The following CEP76 variants were observed in gnomAD, a reference collection of about 807,000 sequenced individuals.
CEP76 encodes centrosomal protein of 76 kDa.
Under a neutral mutation model 83.3 loss-of-function variants are expected in CEP76, and 55 were observed. The observed-to-expected ratio is 0.66, with a 90% CI of 0.53 to 0.83. The LOEUF is 0.83. Among genes scored for constraint, CEP76 ranks in the 40% least tolerant of loss-of-function variants. The probability of loss-of-function intolerance (pLI) is 0.00; values close to 1 mark genes in which losing one functional copy is unlikely to be tolerated. For missense variants in CEP76, 694 were observed against 799.5 expected (o/e 0.87, Z 1.59); for synonymous variants, 270 against 274.5 (o/e 0.98, Z 0.16).
At position 12,695,246 on chromosome 18, in the gene CEP76, G is replaced by GTATT. The variant is rs1156316758; in HGVS notation, c.804+4_804+7dup. On this transcript the variant is annotated splice_region_variant and intron_variant, in intron 6 of 11. Coordinates refer to ENST00000262127, the MANE Select transcript of CEP76 (RefSeq NM_024899.4). ...CACACAAAAAAAGAGAAACTCATAA[G>GTATT]TATTTACCTGTGTGTTCACTACTTC... 7.7e-7 allele frequency: 1 copy of GTATT among 1,298,392 alleles called. No individual in the cohort carries two copies. Among genetic ancestry groups the GTATT allele is most frequent in the South Asian group, 1.3e-5 (1 of 76,986 alleles). 80.4% of individuals were successfully genotyped at this position (1,298,392 alleles called of 1,614,324 possible). A position where few individuals can be genotyped will look rare whatever the true frequency, so the allele number is the denominator to read the frequency against.
intron 6 of CEP76, among the ~76,000 whole-genome samples, chr18:12,694,517 G>A (rs1262912934): frequency 6.6e-6 from 1 of 152,140 alleles, no homozygotes; most frequent in Non-Finnish European, 1.5e-5. Context: ...TCAGAGACCT[G>A]ACAGTGGAAT....
chr18:12,698,809 A>G (rs1406612136), intron 4 of CEP76, 170 bp downstream of exon 4: 1 of 596,212 alleles, frequency 1.7e-6, no homozygotes, highest in Non-Finnish European at 3.0e-6. Flanking sequence ...TAGCAAACAG[A>G]ATATTGCAAG....
At chr18:12,669,259 T>C (rs1283722664), downstream of CEP76, among the ~76,000 whole-genome samples, 8 of 151,990 alleles carry the variant, frequency 5.3e-5, no homozygotes, top group East Asian at 1.2e-3. Flanking sequence ...AATACAGGCA[T>C]GCGCCACCAT....
chr18:12,697,120 A>T, intron 5 of CEP76, 103 bp downstream of exon 5: 1 of 808,054 alleles, frequency 1.2e-6, no homozygotes, highest in Non-Finnish European at 1.9e-6. Flanking sequence ...TCTATTTTAC[A>T]GGTTTCCCTC....
chr18:12,682,730 A>G (rs139435853), intron 8 of CEP76, among the ~76,000 whole-genome samples: 423 of 151,848 alleles, frequency 2.8e-3, no homozygotes, highest in African/African-American at 9.7e-3. Context: ...CCGGGTTCCA[A>G]TGATTCTCAG....
downstream of CEP76, among the ~76,000 whole-genome samples, chr18:12,669,823 A>G (rs2038895036): frequency 6.6e-6 from 1 of 151,938 alleles, no homozygotes; most frequent in African/African-American, 2.4e-5. Flanking sequence ...CAACATGCAG[A>G]AACCCTGTCT....
At chr18:12,700,906 G>C in intron 2 of CEP76, 52 bp downstream of exon 2, 1 of 1,415,384 alleles carries the variant, frequency 7.1e-7, no homozygotes, top group South Asian at 1.3e-5. Context: ...GTAGTGTTAC[G>C]CATTAGTATA....
rs1336225872 is a variant in CEP76, at chr18:12,695,359, CAT to C, written c.707-10_707-9del. The C allele has an allele frequency of 1.0e-5, 14 of 1,369,166 alleles. No homozygotes were observed. Among genetic ancestry groups the C allele is most frequent in the Non-Finnish European group, 1.3e-5 (13 of 982,040 alleles). 84.8% of individuals were successfully genotyped at this position (1,369,166 alleles called of 1,614,324 possible). ...AAACTTTTGATTCTGTGCCTATAAA[CAT>C]AAATATTTTGAACTTCAGAGATTTC... On this transcript the variant is annotated splice_polypyrimidine_tract_variant and intron_variant, in intron 5 of 11. Transcript: ENST00000262127.
At chr18:12,687,324 T>A (rs1172915060) in intron 7 of CEP76, among the ~76,000 whole-genome samples, 5 of 152,172 alleles carry the variant, frequency 3.3e-5, no homozygotes, top group Admixed American at 6.6e-5. Context: ...GTCCCATACT[T>A]TAGCAAGGAA....
At chr18:12,675,594 CATTTT>C (rs1227234124) in intron 10 of CEP76, among the ~76,000 whole-genome samples, 3 of 152,080 alleles carry the variant, frequency 2.0e-5, no homozygotes, top group South Asian at 2.1e-4. Context: ...AAGATGAAGA[CATTTT>C]ATAGGCCCTT....
At chr18:12,662,575 A>C (rs2038715386) in intron 12 of CEP76, among the ~76,000 whole-genome samples, 1 of 152,210 alleles carries the variant, frequency 6.6e-6, no homozygotes, top group African/African-American at 2.4e-5. Flanking sequence ...CACAAGTTTG[A>C]GACCAGCCTG....
chr18:12,699,021 A>C lies in CEP76; in HGVS notation c.478T>G (p.Phe160Val). Reference sequence around the variant, plus strand: ...ACTTCAAGTAAAAAGCCATCATGAAAATCTGGTTCACAGGCACATGGAACA... The same window carrying C: ...ACTTCAAGTAAAAAGCCATCATGAACATCTGGTTCACAGGCACATGGAACA... ...KPVPCACEPD[F>V]HDGFLLEVHR... The change falls in exon 4 of 12, where the codon TTT becomes GTT. Residue 160 changes from phenylalanine (F) to valine (V), a missense_variant. Phe to Val is a conservative substitution (Grantham distance 50). Coordinates refer to ENST00000262127, the MANE Select transcript of CEP76 (RefSeq NM_024899.4). The C allele has an allele frequency of 6.2e-7, 1 of 1,613,812 alleles. No homozygotes were observed. The highest frequency in any genetic ancestry group is 8.5e-7 in the Non-Finnish European group (1 of 1,179,806).
intron 12 of CEP76, among the ~76,000 whole-genome samples, chr18:12,664,089 G>T (rs1001987263): frequency 2.6e-5 from 4 of 152,144 alleles, no homozygotes; most frequent in African/African-American, 9.7e-5. Context: ...GCTTGAACCC[G>T]GAGGGGCGGT....
rs367819889 is a variant in CEP76 at position 12,674,425 on chromosome 18, G to C, written c.1841+111C>G. 326 of 749,742 alleles carry C rather than the reference G, an allele frequency of 4.3e-4. 1 individual carries two copies. In the African/African-American group the frequency reaches 5.1e-3, roughly 12 times the overall value. 46.4% of individuals were successfully genotyped at this position (749,742 alleles called of 1,614,324 possible). A position where few individuals can be genotyped will look rare whatever the true frequency, so the allele number is the denominator to read the frequency against. On this transcript the variant is annotated intron_variant, in intron 11 of 11. Transcript: ENST00000262127. ...CCACTGTACTCCAGCATGGGCAGCAGAGCAAGACCTTGAGTTAAAAAAAAA... is the reference window on the plus strand; with the variant it reads ...CCACTGTACTCCAGCATGGGCAGCACAGCAAGACCTTGAGTTAAAAAAAAA...
chr18:12,696,119 G>GT (rs2039947770), intron 5 of CEP76, among the ~76,000 whole-genome samples: 1 of 152,202 alleles, frequency 6.6e-6, no homozygotes, highest in Non-Finnish European at 1.5e-5. Flanking sequence ...GACAAATTGG[G>GT]TATTGTTTTT....
chr18:12,697,554 A>C, intron 4 of CEP76, 146 bp from the exon 5 acceptor site: 1 of 598,816 alleles, frequency 1.7e-6, no homozygotes, highest in Non-Finnish European at 2.8e-6. Context: ...CATGCAAAAA[A>C]CTGGAAATAC....
At position 12,686,463 on chromosome 18, in the gene CEP76, G is replaced by A; in HGVS notation, c.934-13C>T. On this transcript the variant is annotated splice_polypyrimidine_tract_variant and intron_variant, in intron 7 of 11. Coordinates refer to ENST00000262127, the MANE Select transcript of CEP76 (RefSeq NM_024899.4). ...TCCCATTTTCATCCTAGGGAAAAGG[G>A]GAAAAACATCTGTAATGACATATTA... The A allele has an allele frequency of 1.3e-6, 2 of 1,577,390 alleles. No individual in the cohort carries two copies. The highest frequency in any genetic ancestry group is 2.3e-5 in the South Asian group (2 of 87,516).
downstream of CEP76, among the ~76,000 whole-genome samples, chr18:12,669,186 C>G (rs993992815): frequency 2.6e-5 from 4 of 151,072 alleles, no homozygotes; most frequent in Admixed American, 2.6e-4. Flanking sequence ...GATCTCAGCT[C>G]ACGGCAACCT....
In CEP76 at chr18:12,702,661, G is replaced by C. The variant is rs888009342; in HGVS notation, c.-113C>G. ...GACTGGAGCACAAAGCGCCGCAGCC[G>C]TTCGCCTAGCGCAGCTCCCGGGGGA... On this transcript the variant is annotated 5_prime_UTR_variant, in exon 1 of 12. Coordinates refer to ENST00000262127, the MANE Select transcript of CEP76 (RefSeq NM_024899.4). 5 of 1,253,982 alleles carry C rather than the reference G, an allele frequency of 4.0e-6. No individual in the cohort carries two copies. The East Asian group carries it at 1.1e-4, about 27-fold the overall frequency. 77.7% of individuals were successfully genotyped at this position (1,253,982 alleles called of 1,614,324 possible).
Sources: gnomAD v4.1 joint callset for allele counts (sites outside exome capture counted in the v4.1 genomes callset) on GRCh38, gnomAD v4.1.1 for gene constraint, MANE v1.5 for transcripts, NCBI Gene and HGNC (gene_info 2026-07-23, HGNC 2026-07-21) for gene names.